The following SOX5 variants were observed in gnomAD, a reference collection of about 807,000 sequenced individuals.
SOX5 encodes the protein transcription factor SOX-5.
A neutral mutation model predicts 92.0 loss-of-function variants in SOX5; 9 were observed. The ratio of observed to expected loss-of-function variants is 0.10; its 90% confidence interval spans 0.06 to 0.17. SOX5 has a LOEUF of 0.17. SOX5 is among the 10% of genes least tolerant of loss of function. The pLI, the probability that SOX5 is intolerant of heterozygous loss-of-function variation, is 1.00. For synonymous variants in SOX5, 344 were observed against 336.3 expected, an observed-to-expected ratio of 1.02 and a Z score of -0.25; for missense variants, 642 against 944.5, an observed-to-expected ratio of 0.68 and a Z score of 4.20.
chr12:23,740,071 C>T (rs1467226533), intron 5 of SOX5, among the ~76,000 whole-genome samples: 2 of 152,120 alleles, frequency 1.3e-5, no homozygotes, highest in African/African-American at 4.8e-5. Context: ...TTATCTCCTC[C>T]AGTAGAGTTT....
Position 24,185,916 on chromosome 12 carries a change from G to A in SOX5, c.-2+27427C>T, listed in dbSNP as rs187199756. 2.6e-5 allele frequency among the ~76,000 whole-genome samples: 4 copies of A among 152,222 alleles called. No individual in the cohort carries two copies. In the East Asian group the frequency reaches 7.7e-4, roughly 29 times the overall value. On this transcript the variant is annotated intron_variant, in intron 4 of 4. Transcript: ENST00000446891. The stretch of plus-strand genomic sequence containing the variant: ...CTGAAGCTGACATGGAGAAATTATA[G>A]GAGATGAACTCTGGCTTCATACCTA...
chr12:23,862,859 C>T (rs1568431639), intron 2 of SOX5, among the ~76,000 whole-genome samples: 1 of 152,164 alleles, frequency 6.6e-6, no homozygotes, highest in Non-Finnish European at 1.5e-5. Flanking sequence ...CAAATTCATT[C>T]ATTCAAATCA....
intron 2 of SOX5, among the ~76,000 whole-genome samples, chr12:24,352,544 A>C (rs1372441779): frequency 6.6e-6 from 1 of 152,126 alleles, no homozygotes; most frequent in African/African-American, 2.4e-5. Context: ...TCGAAACTCT[A>C]CTTTGCTAAT....
chr12:24,324,543 G>C (rs745923288), intron 2 of SOX5, among the ~76,000 whole-genome samples: 7 of 151,006 alleles, frequency 4.6e-5, no homozygotes, highest in Non-Finnish European at 1.0e-4. Flanking sequence ...AAAGTTAACC[G>C]TACTGACATT....
chr12:24,052,735 C>T (rs950129587), intron 4 of SOX5, among the ~76,000 whole-genome samples: 1 of 152,150 alleles, frequency 6.6e-6, no homozygotes, highest in Admixed American at 6.6e-5. Flanking sequence ...AAACTTCAAC[C>T]AGATGCTACA....
chr12:23,904,708 T>C (rs910576094), intron 1 of SOX5, among the ~76,000 whole-genome samples: 2 of 152,000 alleles, frequency 1.3e-5, no homozygotes, highest in Non-Finnish European at 2.9e-5. Flanking sequence ...TTTGAAGTGA[T>C]CTTCATCAAG....
intron 1 of SOX5, among the ~76,000 whole-genome samples, chr12:24,524,384 T>TATCTATCTATCC (rs1555335472): frequency 3.7e-4 from 47 of 125,352 alleles, no homozygotes; most frequent in African/African-American, 1.0e-3. Context: ...TCTATCTATC[T>TATCTATCTATCC]ATCCATCCAT....
At chr12:24,008,638 T>A (rs908485963) in intron 4 of SOX5, among the ~76,000 whole-genome samples, 1 of 152,220 alleles carries the variant, frequency 6.6e-6, no homozygotes, top group African/African-American at 2.4e-5. Context: ...TGGACTCTTT[T>A]GGAAAATATA....
rs544965454 is a variant in SOX5 at position 24,129,810 on chromosome 12, G to A, written c.-2+83533C>T. Among the ~76,000 whole-genome samples the A allele has an allele frequency of 3.3e-5, 5 of 152,338 alleles. No individual in the cohort carries two copies. In the South Asian group the frequency reaches 1.0e-3, roughly 32 times the overall value. ...GAGTATTCAAAAATATTGGGAGAAA[G>A]TTTTGAAGGTTAAAGTTAAAGATTA... is the stretch of plus-strand genomic sequence containing the variant. On this transcript the variant is annotated intron_variant, in intron 4 of 4. Coordinates refer to the SOX5 transcript ENST00000446891.
chr12:23,811,852 G>A (rs2095880115), intron 3 of SOX5, among the ~76,000 whole-genome samples: 1 of 151,954 alleles, frequency 6.6e-6, no homozygotes, highest in South Asian at 2.1e-4. Flanking sequence ...AGCCTAATTT[G>A]TAATAAACCA....
chr12:24,544,479 T>C (rs1952430985), intron 1 of SOX5, among the ~76,000 whole-genome samples: 1 of 152,168 alleles, frequency 6.6e-6, no homozygotes, highest in Non-Finnish European at 1.5e-5. Flanking sequence ...ATATGGATCA[T>C]AAATTAGAGC....
At chr12:23,894,114 T>A (rs1047626761) in intron 2 of SOX5, among the ~76,000 whole-genome samples, 3 of 152,188 alleles carry the variant, frequency 2.0e-5, no homozygotes, top group Admixed American at 6.5e-5. Flanking sequence ...ACAGAATTAA[T>A]AATAATACCT....
intron 1 of SOX5, among the ~76,000 whole-genome samples, chr12:24,472,088 A>G (rs1166041247): frequency 1.3e-5 from 2 of 152,232 alleles, no homozygotes; most frequent in Non-Finnish European, 2.9e-5. Context: ...TTTAAAATAA[A>G]CAGATATGAG....
At chr12:23,813,938 TA>T (rs1326740119) in intron 3 of SOX5, among the ~76,000 whole-genome samples, 1 of 152,180 alleles carries the variant, frequency 6.6e-6, no homozygotes, top group Non-Finnish European at 1.5e-5. Context: ...ATAAGGGCGA[TA>T]TTTTTTCATT....
intron 3 of SOX5, among the ~76,000 whole-genome samples, chr12:24,270,915 C>T (rs1246385582): frequency 2.6e-5 from 4 of 152,186 alleles, no homozygotes; most frequent in Non-Finnish European, 5.9e-5. Context: ...TTCCAACTTG[C>T]TGATTACAGC....
chr12:23,686,045 C>G (rs1593274745), intron 6 of SOX5, among the ~76,000 whole-genome samples: 2 of 152,086 alleles, frequency 1.3e-5, no homozygotes, highest in East Asian at 3.9e-4. Context: ...AATTCATTTA[C>G]CATATTGTAT....
chr12:23,980,826 C>T (rs544281520), intron 4 of SOX5, among the ~76,000 whole-genome samples: 9 of 152,252 alleles, frequency 5.9e-5, no homozygotes, highest in African/African-American at 1.4e-4. Context: ...TTGGAAACCA[C>T]GCTGAGGAAG....
intron 6 of SOX5, among the ~76,000 whole-genome samples, chr12:23,733,273 T>A (rs866737664): frequency 9.9e-5 from 15 of 152,276 alleles, no homozygotes; most frequent in African/African-American, 3.6e-4. Flanking sequence ...TTACCTTACT[T>A]AGAATAAGAA....
intron 1 of SOX5, chr12:24,407,400 A>C (rs1963218209): frequency 6.6e-6 from 1 of 152,226 alleles, no homozygotes; most frequent in Admixed American, 6.5e-5. Flanking sequence ...GGTTAAGCAG[A>C]GGGTCCGAAC....
Sources: allele counts gnomAD v4.1 joint callset (sites outside exome capture counted in the v4.1 genomes callset), GRCh38; gene constraint gnomAD v4.1.1; transcripts MANE v1.5; gene names NCBI Gene and HGNC (gene_info 2026-07-23, HGNC 2026-07-21).